Variants in FGF13 observed in about 807,000 individuals in gnomAD.
The protein encoded by FGF13 is fibroblast growth factor homologous factor 2.
Under a neutral mutation model 19.5 loss-of-function variants are expected in FGF13, and 2 were observed. The observed-to-expected ratio is 0.10, with a 90% confidence interval of 0.04 to 0.32. FGF13 has a LOEUF of 0.32. Among genes scored for constraint, FGF13 ranks in the 10% least tolerant of loss-of-function variants. FGF13 has a pLI of 1.00. For missense variants in FGF13, 113 were observed against 192.7 expected (o/e 0.59, Z 2.45); for synonymous variants, 72 against 76.9 (o/e 0.94, Z 0.33).
At chrX:138,767,799 T>C (rs2090512901) in intron 3 of FGF13, among the ~76,000 whole-genome samples, 1 of 112,295 alleles carries the variant, frequency 8.9e-6, no homozygotes, top group South Asian at 3.7e-4. Flanking sequence ...TTTCTGAACA[T>C]CAGTGTTCCC....
chrX:138,983,900 TTTAACATTTTGCC>T, intron 1 of FGF13, among the ~76,000 whole-genome samples: 2 of 30,806 alleles, frequency 6.5e-5, no homozygotes, highest in African/African-American at 1.6e-4. Context: ...TAGAGATCTG[TTTAACATTTTGCC>T]TATAGTTATA....
At chrX:138,966,487 T>C (rs2091895553) in intron 1 of FGF13, among the ~76,000 whole-genome samples, 1 of 112,225 alleles carries the variant, frequency 8.9e-6, no homozygotes, top group Non-Finnish European at 1.9e-5. Context: ...TTCGAACTTG[T>C]GTGGAGCCTG....
chrX:138,777,648 C>G (rs1007820067), intron 3 of FGF13, among the ~76,000 whole-genome samples: 6 of 111,756 alleles, frequency 5.4e-5, no homozygotes, highest in Admixed American at 9.5e-5. Flanking sequence ...AAGCAAGGAC[C>G]AGTGGGAGTT....
intron 1 of FGF13, among the ~76,000 whole-genome samples, chrX:139,192,608 A>G (rs899431449): frequency 8.9e-6 from 1 of 112,283 alleles, no homozygotes; most frequent in Non-Finnish European, 1.9e-5. Flanking sequence ...GAGGAGCTTA[A>G]TAAAAAATGT....
chrX:138,811,558 A>G lies in FGF13; in HGVS notation c.217+45954T>C, dbSNP rs146802374. On this transcript the variant is annotated intron_variant, in intron 3 of 6. Coordinates refer to the FGF13 transcript ENST00000436198. ...ACGTATCCATATGTAACAAACCTGC[A>G]CATTGTGCACATGTACCCTAGAATT... Among the ~76,000 whole-genome samples, 290 of 111,122 alleles carry G rather than the reference A, an allele frequency of 2.6e-3. 1 individual carries two copies. Among genetic ancestry groups the G allele is most frequent in the Non-Finnish European group, 2.7e-3 (141 of 52,990 alleles).
chrX:138,822,848 A>G (rs748797666), intron 3 of FGF13, among the ~76,000 whole-genome samples: 2 of 112,319 alleles, frequency 1.8e-5, no homozygotes, highest in Non-Finnish European at 3.8e-5. Flanking sequence ...TAGGCAGTGG[A>G]GATACCAAGC....
intron 1 of FGF13, among the ~76,000 whole-genome samples, chrX:139,142,818 C>T (rs1010330687): frequency 1.8e-5 from 2 of 111,835 alleles, no homozygotes; most frequent in Admixed American, 9.5e-5. Flanking sequence ...ATCCACATAT[C>T]GCATGTAACT....
intron 3 of FGF13, among the ~76,000 whole-genome samples, chrX:138,775,893 A>G (rs1226187623): frequency 8.9e-6 from 1 of 112,539 alleles, no homozygotes; most frequent in Non-Finnish European, 1.9e-5. Context: ...GAGAGGGTGT[A>G]TATTATAGCA....
At chrX:138,779,514 A>T (rs1409311121) in intron 3 of FGF13, among the ~76,000 whole-genome samples, 1 of 109,845 alleles carries the variant, frequency 9.1e-6, no homozygotes, top group Non-Finnish European at 1.9e-5. Flanking sequence ...CTACGTGAAG[A>T]ATGCAGAAGC....
chrX:138,638,531 T>C (rs756109098), intron 3 of FGF13, among the ~76,000 whole-genome samples: 29 of 111,951 alleles, frequency 2.6e-4, no homozygotes, highest in African/African-American at 9.4e-4. Flanking sequence ...CTGTGACTCA[T>C]ACAACTGTAT....
At chrX:139,167,184 G>A (rs1368857110) in intron 1 of FGF13, among the ~76,000 whole-genome samples, 3 of 111,863 alleles carry the variant, frequency 2.7e-5, no homozygotes, top group Non-Finnish European at 3.8e-5. Flanking sequence ...TTGTGCATAA[G>A]TCAACGGAAG....
At chrX:138,838,308 T>A (rs1477928569) in intron 3 of FGF13, among the ~76,000 whole-genome samples, 1 of 111,789 alleles carries the variant, frequency 8.9e-6, no homozygotes, top group African/African-American at 3.3e-5. Flanking sequence ...TTGCAGTTAC[T>A]TTTGCTGAGA....
chrX:138,742,340 G>A (rs1324954142), upstream of FGF13, among the ~76,000 whole-genome samples: 3 of 112,308 alleles, frequency 2.7e-5, no homozygotes, highest in Non-Finnish European at 3.8e-5. Flanking sequence ...ACAGGTTAGA[G>A]TGCAGTTTGC....
At chrX:138,848,242 G>A (rs1398746069) in intron 3 of FGF13, among the ~76,000 whole-genome samples, 2 of 111,328 alleles carry the variant, frequency 1.8e-5, no homozygotes, top group Non-Finnish European at 3.8e-5. Flanking sequence ...ACCTTACATG[G>A]CCATAAGTTC....
intron 1 of FGF13, among the ~76,000 whole-genome samples, chrX:138,875,207 C>T (rs1477509745): frequency 1.0e-5 from 1 of 97,237 alleles, no homozygotes; most frequent in Non-Finnish European, 2.0e-5. Context: ...ACTCCAGCCT[C>T]GGTGACAGAG....
At chrX:138,754,633 A>T (rs767488758) in intron 3 of FGF13, among the ~76,000 whole-genome samples, 2 of 111,570 alleles carry the variant, frequency 1.8e-5, no homozygotes, top group African/African-American at 3.3e-5. Context: ...GGCTGGCAAA[A>T]GTTCTTTACA....
Position 138,643,295 on chromosome X carries a change from T to A in FGF13, c.403-7640A>T, listed in dbSNP as rs138180690. Reference sequence around the variant, plus strand: ...CTCTCCATTCTTCCAAAACAATGTTTTATAAAACACACTGAAATAAGCTAG... The same window carrying A: ...CTCTCCATTCTTCCAAAACAATGTTATATAAAACACACTGAAATAAGCTAG... On this transcript the variant is annotated intron_variant, in intron 3 of 4. Coordinates refer to ENST00000315930, the MANE Select transcript of FGF13 (RefSeq NM_004114.5). Among the ~76,000 whole-genome samples the A allele has an allele frequency of 6.0e-4, 67 of 112,382 alleles. No individual in the cohort carries two copies. The East Asian group carries it at 0.018, about 30-fold the overall frequency.
At chrX:138,996,779 G>A (rs2092045077) in intron 1 of FGF13, among the ~76,000 whole-genome samples, 1 of 112,379 alleles carries the variant, frequency 8.9e-6, no homozygotes, top group Non-Finnish European at 1.9e-5. Flanking sequence ...ATCCCTGCCT[G>A]ACAGCTCTGA....
At chrX:138,718,793 C>G (rs1187618223) in intron 1 of FGF13, among the ~76,000 whole-genome samples, 1 of 111,499 alleles carries the variant, frequency 9.0e-6, no homozygotes, top group Non-Finnish European at 1.9e-5. Flanking sequence ...TGCAGATGCC[C>G]TAGATGATTT....
Sources: gnomAD v4.1 joint callset for allele counts (sites outside exome capture counted in the v4.1 genomes callset) on GRCh38, gnomAD v4.1.1 for gene constraint, MANE v1.5 for transcripts, NCBI Gene and HGNC (gene_info 2026-07-23, HGNC 2026-07-21) for gene names.